Variants in TERF1 observed in about 807,000 individuals in gnomAD.
TERF1 encodes telomeric repeat binding factor 1.
TERF1 carries 20 observed loss-of-function variants against 55.1 expected under a neutral mutation model. That is an observed-to-expected ratio of 0.36 (90% CI 0.26 to 0.53). The LOEUF (loss-of-function observed/expected upper bound fraction) is 0.53. TERF1 is among the 20% of genes least tolerant of loss of function. The pLI is 0.91. For synonymous variants in TERF1, 168 were observed against 181.2 expected (o/e 0.93, Z 0.59); for missense variants, 439 against 535.7 (o/e 0.82, Z 1.78).
rs375336420 is a variant in TERF1, at chr8:73,022,184, G to T, written c.538-32G>T. The stretch of plus-strand genomic sequence containing the variant: ...AAATAACTATTGGGTATTTATAAAC[G>T]CAGTCTAAGGTTGGTATTTTTCATC... On this transcript the variant is annotated intron_variant, in intron 3 of 9. Coordinates refer to ENST00000276603, the MANE Select transcript of TERF1 (RefSeq NM_017489.3). 58 of 1,341,940 alleles carry T rather than the reference G, an allele frequency of 4.3e-5. No individual in the cohort carries two copies. The African/African-American group carries it at 7.1e-4, about 16-fold the overall frequency. 83.1% of individuals were successfully genotyped at this position (1,341,940 alleles called of 1,614,324 possible). A position where few individuals can be genotyped will look rare whatever the true frequency, so the allele number is the denominator to read the frequency against.
chr8:73,020,583 A>G (rs1586037090), intron 2 of TERF1, 101 bp from the exon 3 acceptor site: 1 of 929,532 alleles, frequency 1.1e-6, no homozygotes, highest in African/African-American at 1.7e-5. Flanking sequence ...TACCTAGCAC[A>G]TAGTATACAC....
Position 73,046,175 on chromosome 8 carries a change from A to G in TERF1, c.*38A>G, listed in dbSNP as rs776970077. On this transcript the variant is annotated 3_prime_UTR_variant, in exon 10 of 10. Transcript: ENST00000276603. ...AAGCTTGATGAAAGGACAGTTAAGT[A>G]TTTTGATCACTGCATTTTGTTTGAA... 1.4e-6 allele frequency: 2 copies of G among 1,473,764 alleles called. No homozygotes were observed. The highest frequency in any genetic ancestry group is 5.0e-5 in the Admixed American group (2 of 40,296). 91.3% of individuals were successfully genotyped at this position (1,473,764 alleles called of 1,614,324 possible).
At chr8:73,024,166 T>TA (rs1237979530) in intron 4 of TERF1, among the ~76,000 whole-genome samples, 7 of 152,202 alleles carry the variant, frequency 4.6e-5, no homozygotes, top group African/African-American at 1.4e-4. Flanking sequence ...TGAAGAGCGA[T>TA]ACAATAATTG....
In TERF1 at chr8:73,020,739, T is replaced by G; in HGVS notation, c.471T>G (p.Ile157Met). 6.3e-7 allele frequency: 1 copy of G among 1,593,482 alleles called. No individual in the cohort carries two copies. Among genetic ancestry groups the G allele is most frequent in the Non-Finnish European group, 8.6e-7 (1 of 1,166,116 alleles). The change falls in exon 3 of 10, where the codon ATT (isoleucine) becomes ATG (methionine). Residue 157 changes from isoleucine (I) to methionine (M), a missense_variant. By Grantham distance (10) the Ile-to-Met change is conservative (BLOSUM62 1). Coordinates refer to ENST00000276603, the MANE Select transcript of TERF1 (RefSeq NM_017489.3). ...RITPLESALM[I>M]WGSIEKEHDK... Reference sequence around the variant, plus strand: ...CACCCTTGGAATCAGCCCTGATGATTTGGGGTTCAATTGAAAAGGAACATG... The same window carrying G: ...CACCCTTGGAATCAGCCCTGATGATGTGGGGTTCAATTGAAAAGGAACATG...
At chr8:73,037,485 T>A (rs927204978) in intron 8 of TERF1, among the ~76,000 whole-genome samples, 1 of 119,690 alleles carries the variant, frequency 8.4e-6, no homozygotes, top group African/African-American at 3.2e-5. Context: ...TTAAATATAT[T>A]TATATATAAT....
rs1436406193 is a variant in TERF1 at position 73,048,072 on chromosome 8, AAAAG to A, written c.*1937_*1940del. The A allele has an allele frequency of 2.4e-4, 37 of 152,372 alleles. No individual in the cohort carries two copies. Among genetic ancestry groups the A allele is most frequent in the African/African-American group, 8.4e-4 (35 of 41,586 alleles). The allele number at this position is 152,372 out of a possible 1,614,324, so 9.4% of individuals were successfully genotyped here. A position where few individuals can be genotyped will look rare whatever the true frequency, so the allele number is the denominator to read the frequency against. On this transcript the variant is annotated 3_prime_UTR_variant, in exon 10 of 10. Transcript: ENST00000276603. ...TTATCACATAACTTGTGGATACAAA[AAAAG>A]AGAAATTGTAAGCAAAATAAGTTGG... is the stretch of plus-strand genomic sequence containing the variant.
rs56318399 is a variant in TERF1, at chr8:73,019,725, A to C, written c.416-959A>C. On this transcript the variant is annotated intron_variant, in intron 2 of 9. Transcript: ENST00000276603. Reference sequence around the variant, plus strand: ...CCCTTTGAACATCAAACTCCTCCTCAGGACCTTTGCACTTGCCATTCCCTC... The same window carrying C: ...CCCTTTGAACATCAAACTCCTCCTCCGGACCTTTGCACTTGCCATTCCCTC... Among the ~76,000 whole-genome samples the C allele has an allele frequency of 2.9e-3, 436 of 152,148 alleles. 3 individuals are homozygous for C. Among genetic ancestry groups the C allele is most frequent in the African/African-American group, 9.8e-3 (406 of 41,502 alleles).
In TERF1 at chr8:73,033,554, G is replaced by A. The variant is rs141420854; in HGVS notation, c.1039+1421G>A. Among the ~76,000 whole-genome samples the A allele has an allele frequency of 6.9e-3, 1,054 of 152,190 alleles. 8 individuals carry two copies. The highest frequency in any genetic ancestry group is 0.023 in the African/African-American group (968 of 41,514). ...TTGAGACCAGCCTTGGCAACATGGC[G>A]AAACCCCGTTTCTACTAAAAATAGA... is the stretch of plus-strand genomic sequence containing the variant. On this transcript the variant is annotated intron_variant, in intron 8 of 9. Transcript: ENST00000276603.
chr8:73,021,605 A>G (rs560686024), intron 3 of TERF1, among the ~76,000 whole-genome samples: 1 of 152,306 alleles, frequency 6.6e-6, no homozygotes, highest in African/African-American at 2.4e-5. Flanking sequence ...TAACAATCCT[A>G]TGAAATAGGT....
chr8:73,042,464 A>T (rs1041083754), intron 9 of TERF1, among the ~76,000 whole-genome samples: 33 of 141,516 alleles, frequency 2.3e-4, no homozygotes, highest in South Asian at 4.3e-4. Flanking sequence ...TGAGGTTTTT[A>T]AAAAAAAAAA....
intron 2 of TERF1, among the ~76,000 whole-genome samples, chr8:73,015,179 CTT>C (rs1808445886): frequency 6.6e-6 from 1 of 152,042 alleles, no homozygotes; most frequent in Non-Finnish European, 1.5e-5. Flanking sequence ...CCAGGATACT[CTT>C]TTGGATATAT....
chr8:73,023,062 C>G (rs1808836903), intron 4 of TERF1, among the ~76,000 whole-genome samples: 1 of 98,108 alleles, frequency 1.0e-5, no homozygotes, highest in African/African-American at 3.2e-5. Context: ...TGTTTAGGAA[C>G]AAAAAGATAC....
At chr8:73,043,501 A>G (rs1809913310) in intron 9 of TERF1, among the ~76,000 whole-genome samples, 1 of 152,116 alleles carries the variant, frequency 6.6e-6, no homozygotes, top group African/African-American at 2.4e-5. Context: ...TTACTAATGT[A>G]TTTTATGTAT....
Position 73,027,075 on chromosome 8 carries a change from A to G in TERF1, c.887+23A>G, listed in dbSNP as rs181054010. On this transcript the variant is annotated intron_variant, in intron 6 of 9. Transcript: ENST00000276603. ...AAGGTTTGTAATTTAATCAATTTGT[A>G]TATTTTTTGTTTTATGAATGTTCTG... 354 of 1,551,798 alleles carry G rather than the reference A, an allele frequency of 2.3e-4. No individual in the cohort carries two copies. The African/African-American group carries it at 4.4e-3, about 19-fold the overall frequency.
chr8:73,043,496 A>G (rs1016102194), intron 9 of TERF1: 10 of 152,166 alleles, frequency 6.6e-5, no homozygotes, highest in African/African-American at 2.4e-4. Context: ...ATTTATTACT[A>G]ATGTATTTTA....
At chr8:73,023,473 G>A (rs1586041217) in intron 4 of TERF1, among the ~76,000 whole-genome samples, 1 of 152,298 alleles carries the variant, frequency 6.6e-6, no homozygotes, top group East Asian at 1.9e-4. Flanking sequence ...AGTAGGTTGG[G>A]CAGTTTTGGC....
At chr8:73,036,821 T>C (rs1809531066) in intron 8 of TERF1, among the ~76,000 whole-genome samples, 1 of 137,370 alleles carries the variant, frequency 7.3e-6, no homozygotes, top group Non-Finnish European at 1.6e-5. Flanking sequence ...ATTGTAGTTA[T>C]ATATAAATAT....
At chr8:73,038,986 G>A in intron 8 of TERF1, 130 bp from the exon 9 acceptor site, 1 of 813,330 alleles carries the variant, frequency 1.2e-6, no homozygotes. Context: ...AGATTTGAAG[G>A]AAAAAGTTAA....
chr8:73,033,698 C>T (rs994982394), intron 8 of TERF1, among the ~76,000 whole-genome samples: 1 of 152,064 alleles, frequency 6.6e-6, no homozygotes, highest in African/African-American at 2.4e-5. Context: ...TGTGACAGAG[C>T]GAGACTGTCT....
Sources: gnomAD v4.1 joint callset for allele counts (sites outside exome capture counted in the v4.1 genomes callset) on GRCh38, gnomAD v4.1.1 for gene constraint, MANE v1.5 for transcripts, NCBI Gene and HGNC (gene_info 2026-07-23, HGNC 2026-07-21) for gene names.